Variants in SNRNP25 observed in about 807,000 individuals in gnomAD.
SNRNP25 encodes the protein U11/U12 small nuclear ribonucleoprotein 25 kDa protein.
SNRNP25 carries 21 observed loss-of-function variants against 23.9 expected under a neutral mutation model. The observed-to-expected ratio is 0.88, with a 90% CI of 0.62 to 1.27. SNRNP25 has a LOEUF of 1.27. SNRNP25 is among the 50% of genes most tolerant of loss of function. The pLI is 0.00. For missense variants in SNRNP25, 160 were observed against 156.9 expected (o/e 1.02, Z -0.11); for synonymous variants, 63 against 60.4 (o/e 1.04, Z -0.20).
In SNRNP25 at chr16:55,833, T is replaced by G. The variant is rs1470747110; in HGVS notation, c.190T>G (p.Tyr64Asp). 1.2e-6 allele frequency: 2 copies of G among 1,614,184 alleles called. No individual in the cohort carries two copies. The highest frequency in any genetic ancestry group is 3.3e-5 in the Admixed American group (2 of 60,016). The change falls in exon 3 of 5, where the codon TAC (tyrosine) becomes GAC (aspartate). Residue 64 changes from tyrosine (Y) to aspartate (D), a missense_variant. Physicochemically the swap from Tyr to Asp is radical, Grantham distance 160. Transcript: ENST00000293861. Reference protein sequence around the residue: ...VLDLKKAIQRYVQLKQEREGG... With the variant: ...VLDLKKAIQRDVQLKQEREGG... The stretch of plus-strand genomic sequence containing the variant: ...GGACCTGAAGAAGGCCATCCAGAGA[T>G]ACGTGCAGCTCAAGCAGGAGCGTGA...
At chr16:56,941 G>A in intron 4 of SNRNP25, 145 bp from the exon 5 acceptor site, 1 of 722,740 alleles carries the variant, frequency 1.4e-6, no homozygotes, top group Non-Finnish European at 2.2e-6. Context: ...GTCTGTGAGA[G>A]GATGGCCACT....
intron 1 of SNRNP25, among the ~76,000 whole-genome samples, chr16:54,805 C>T (rs1897385661): frequency 6.6e-6 from 1 of 151,962 alleles, no homozygotes; most frequent in Admixed American, 6.6e-5. Flanking sequence ...CAACCTCCCC[C>T]TCCCGGGTTC....
intron 4 of SNRNP25, 109 bp from the exon 5 acceptor site, chr16:56,977 A>T: frequency 1.6e-6 from 2 of 1,262,702 alleles, no homozygotes; most frequent in Non-Finnish European, 2.3e-6. Context: ...CCCAGAAGCC[A>T]CACGCCTCCC....
chr16:56,937 G>A, intron 4 of SNRNP25, 149 bp from the exon 5 acceptor site: 2 of 754,588 alleles, frequency 2.7e-6, no homozygotes, highest in Non-Finnish European at 2.1e-6. Flanking sequence ...CTGGGTCTGT[G>A]AGAGGATGGC....
chr16:56,873 G>C (rs956886658), intron 4 of SNRNP25, among the ~76,000 whole-genome samples: 25 of 152,210 alleles, frequency 1.6e-4, no homozygotes, highest in Non-Finnish European at 3.5e-4. Flanking sequence ...GAAAGGCTGT[G>C]ACTCTATCTG....
chr16:54,874 C>T (rs12930712), intron 1 of SNRNP25: 88,299 of 152,788 alleles, frequency 0.58, 26,095 homozygotes, highest in Non-Finnish European at 0.63. Flanking sequence ...AGAGACGGGG[C>T]TTCACCATGT....
chr16:54,099 C>T, intron 1 of SNRNP25, 41 bp downstream of exon 1: 2 of 1,571,168 alleles, frequency 1.3e-6, no homozygotes, highest in East Asian at 2.3e-5. Context: ...AGTCGTTCCC[C>T]GGGGTCCGGG....
In SNRNP25 at chr16:55,914, C is replaced by T. The variant is rs1046095788; in HGVS notation, c.239+32C>T. ...GGAACAACATTCCCTTCATTATAGCCCTTCGTGGGGCTAGTGCCCTTCTTG... is the reference window on the plus strand; with the variant it reads ...GGAACAACATTCCCTTCATTATAGCTCTTCGTGGGGCTAGTGCCCTTCTTG... On this transcript the variant is annotated intron_variant, in intron 3 of 4. Transcript: ENST00000293861. The T allele has an allele frequency of 8.8e-6, 14 of 1,592,732 alleles. No individual in the cohort carries two copies. The East Asian group carries it at 2.9e-4, about 33-fold the overall frequency.
In SNRNP25 at chr16:57,382, C is replaced by A. The variant is rs1897427446; in HGVS notation, c.*239C>A. On this transcript the variant is annotated 3_prime_UTR_variant, in exon 5 of 5. Coordinates refer to ENST00000293861, the MANE Select transcript of SNRNP25 (RefSeq NM_024571.4). ...ACTGACCTCTCCCTAGGTCCAAATG[C>A]CCTAGTCACATGGCAGACCCACGGC... 1.7e-6 allele frequency: 1 copy of A among 573,858 alleles called. No individual in the cohort carries two copies. Among genetic ancestry groups the A allele is most frequent in the South Asian group, 2.2e-5 (1 of 44,960 alleles). The allele number at this position is 573,858 out of a possible 1,614,324, so 35.5% of individuals were successfully genotyped here. A position where few individuals can be genotyped will look rare whatever the true frequency, so the allele number is the denominator to read the frequency against.
chr16:55,963 G>C (rs1219476051), intron 3 of SNRNP25, 81 bp downstream of exon 3: 2 of 1,278,172 alleles, frequency 1.6e-6, no homozygotes, highest in East Asian at 5.0e-5. Context: ...GCACCACCTG[G>C]AAACAGCTCT....
rs1216006020 is a variant in SNRNP25, at chr16:53,897, G to C, written c.-120G>C. On this transcript the variant is annotated 5_prime_UTR_variant, in exon 1 of 5. Transcript: ENST00000293861. ...CAGTGCGGGCAGAGCCCGGCTGAGA[G>C]GGGCGGCCCTGGAGGAGACGGAGGC... The C allele has an allele frequency of 1.9e-5, 29 of 1,511,256 alleles. No homozygotes were observed. In the South Asian group the frequency reaches 3.0e-4, roughly 16 times the overall value. 93.6% of individuals were successfully genotyped at this position (1,511,256 alleles called of 1,614,324 possible).
rs555547747 is a variant in SNRNP25 at position 56,725 on chromosome 16, C to G, written c.314+112C>G. ...CCTCTCCGGAGATAACACCCTCCTCCAAGGAGCTTCCTTGGGGCCCTCCCC... is the reference window on the plus strand; with the variant it reads ...CCTCTCCGGAGATAACACCCTCCTCGAAGGAGCTTCCTTGGGGCCCTCCCC... On this transcript the variant is annotated intron_variant, in intron 4 of 4. Coordinates refer to ENST00000293861, the MANE Select transcript of SNRNP25 (RefSeq NM_024571.4). 1.2e-5 allele frequency: 14 copies of G among 1,183,738 alleles called. No individual in the cohort carries two copies. The East Asian group carries it at 3.1e-4, about 26-fold the overall frequency. 73.3% of individuals were successfully genotyped at this position (1,183,738 alleles called of 1,614,324 possible).
At position 55,813 on chromosome 16, in the gene SNRNP25, T is replaced by C. The variant is rs1471779127; in HGVS notation, c.170T>C (p.Leu57Pro). 2 of 1,614,160 alleles carry C rather than the reference T, an allele frequency of 1.2e-6. No homozygotes were observed. Among genetic ancestry groups the C allele is most frequent in the Non-Finnish European group, 1.7e-6 (2 of 1,180,012 alleles). Reference protein sequence around the residue: ...VVVQSATVLDLKKAIQRYVQL... With the variant: ...VVVQSATVLDPKKAIQRYVQL... ...GTGCAGAGTGCCACAGTCCTGGACCTGAAGAAGGCCATCCAGAGATACGTG... is the reference window on the plus strand; with the variant it reads ...GTGCAGAGTGCCACAGTCCTGGACCCGAAGAAGGCCATCCAGAGATACGTG... Residue 57 changes from leucine to proline, a missense_variant, in exon 3 of 5, where the codon CTG (leucine) becomes CCG (proline). By Grantham distance (98) the Leu-to-Pro change is moderately conservative. Coordinates refer to ENST00000293861, the MANE Select transcript of SNRNP25 (RefSeq NM_024571.4).
In SNRNP25 at chr16:54,051, C is replaced by G. The variant is rs1184890228; in HGVS notation, c.35C>G (p.Pro12Arg). ...VVQDPLLCDLPIQVTLEEVNS... is the reference protein window; with the variant it reads ...VVQDPLLCDLRIQVTLEEVNS... Reference sequence around the variant, plus strand: ...CAGGACCCGCTGCTCTGCGATCTGCCGATCCAGGTGTGTGCGGGCGGGGGC... The same window carrying G: ...CAGGACCCGCTGCTCTGCGATCTGCGGATCCAGGTGTGTGCGGGCGGGGGC... Residue 12 changes from proline to arginine, a missense_variant, in exon 1 of 5, where the codon CCG becomes CGG. Pro to Arg is a moderately radical substitution (Grantham distance 103). Transcript: ENST00000293861. 1.9e-6 allele frequency: 3 copies of G among 1,606,156 alleles called. No homozygotes were observed. Among genetic ancestry groups the G allele is most frequent in the South Asian group, 1.1e-5 (1 of 90,130 alleles).
chr16:56,567 A>G lies in SNRNP25; in HGVS notation c.268A>G (p.Thr90Ala), dbSNP rs778054313. Residue 90 changes from threonine (T) to alanine (A), a missense_variant, in exon 4 of 5, where the codon ACC becomes GCC. Physicochemically the swap from Thr to Ala is moderately conservative, Grantham distance 58. Transcript: ENST00000293861. ...CTACGTGTGGAGGACGTACCATCTG[A>G]CCTCTGCAGGAGAGAAACTCACGGA... Reference protein sequence around the residue: ...WSYVWRTYHLTSAGEKLTEDR... With the variant: ...WSYVWRTYHLASAGEKLTEDR... The G allele has an allele frequency of 3.1e-6, 5 of 1,613,900 alleles. No individual in the cohort carries two copies. The South Asian group carries it at 4.4e-5, about 14-fold the overall frequency.
intron 1 of SNRNP25, 161 bp from the exon 2 acceptor site, chr16:55,298 G>T: frequency 1.6e-6 from 1 of 631,010 alleles, no homozygotes; most frequent in East Asian, 2.7e-5. Flanking sequence ...ATGAGATTGG[G>T]GCTCTGATGA....
At chr16:56,000 G>T in intron 3 of SNRNP25, 118 bp downstream of exon 3, 1 of 880,272 alleles carries the variant, frequency 1.1e-6, no homozygotes. Context: ...CAGCACCACT[G>T]AAGTGATGAG....
intron 3 of SNRNP25, 164 bp from the exon 4 acceptor site, chr16:56,375 T>A (rs1281088412): frequency 2.3e-5 from 17 of 749,442 alleles, no homozygotes; most frequent in Non-Finnish European, 3.6e-5. Context: ...AGAGCCTCCT[T>A]GTAGCTGCCT....
chr16:57,196 C>A lies in SNRNP25; in HGVS notation c.*53C>A. 6.4e-7 allele frequency: 1 copy of A among 1,570,414 alleles called. No individual in the cohort carries two copies. Among genetic ancestry groups the A allele is most frequent in the Non-Finnish European group, 8.8e-7 (1 of 1,140,810 alleles). The stretch of plus-strand genomic sequence containing the variant: ...CACTGGTGGCTGAGCTTTTTCCCAG[C>A]AGGAATGGGTCCTCGAATCATCGTG... On this transcript the variant is annotated 3_prime_UTR_variant, in exon 5 of 5. Coordinates refer to ENST00000293861, the MANE Select transcript of SNRNP25 (RefSeq NM_024571.4).
Sources: gnomAD v4.1 joint callset for allele counts (sites outside exome capture counted in the v4.1 genomes callset) on GRCh38, gnomAD v4.1.1 for gene constraint, MANE v1.5 for transcripts, NCBI Gene and HGNC (gene_info 2026-07-23, HGNC 2026-07-21) for gene names.